RCCD1: variants seen among roughly 807,000 people sequenced by gnomAD.
The protein encoded by RCCD1 is RCC1 domain-containing protein 1.
RCCD1 carries 40 observed loss-of-function variants against 37.6 expected under a neutral mutation model. That is an observed-to-expected ratio of 1.06 (90% CI 0.83 to 1.39). The LOEUF is 1.39. Ranked by LOEUF, RCCD1 falls within the 40% of genes most tolerant of loss-of-function variation. The pLI, the probability that RCCD1 is intolerant of heterozygous loss-of-function variation, is 0.00. For synonymous variants in RCCD1, 263 were observed against 230.0 expected, an observed-to-expected ratio of 1.14 and a Z score of -1.30; for missense variants, 577 against 517.3, an observed-to-expected ratio of 1.12 and a Z score of -1.12.
chr15:90,956,413 C>T (rs149780344), intron 1 of RCCD1, among the ~76,000 whole-genome samples, 199 bp from the exon 2 acceptor site: 3 of 152,288 alleles, frequency 2.0e-5, no homozygotes, highest in Non-Finnish European at 4.4e-5. Context: ...TAGTCCAATG[C>T]CTAAAGGACA....
intron 4 of RCCD1, 104 bp downstream of exon 4, chr15:90,957,829 C>A: frequency 1.4e-6 from 2 of 1,425,852 alleles, no homozygotes; most frequent in South Asian, 1.3e-5. Flanking sequence ...CTTCCAAATT[C>A]ATCCATCCAT....
At chr15:90,955,805 T>C (rs1014204257) in intron 1 of RCCD1, 3 of 151,832 alleles carry the variant, frequency 2.0e-5, no homozygotes, top group African/African-American at 7.3e-5. Flanking sequence ...GTTAGCTCCT[T>C]GGGAGCAGAC....
Position 90,957,447 on chromosome 15 carries a change from C to G in RCCD1, c.501C>G (p.Ala167=), listed in dbSNP as rs1185681299. Reference sequence around the variant, plus strand: ...GGGCACGCCAGCTGGAGCTGGGCGCCGAGCACGCGTTGCTGCTGGACGCTG... The same window carrying G: ...GGGCACGCCAGCTGGAGCTGGGCGCGGAGCACGCGTTGCTGCTGGACGCTG... The part of the protein sequence containing the change: ...ELRARQLELG[A]EHALLLDAAG... The change falls in exon 3 of 8, where the codon GCC becomes GCG. Residue 167 remains alanine (A), a synonymous_variant. Coordinates refer to ENST00000394258, the MANE Select transcript of RCCD1 (RefSeq NM_001017919.2). The G allele has an allele frequency of 6.5e-6, 10 of 1,539,042 alleles. No individual in the cohort carries two copies. In the Admixed American group the frequency reaches 1.6e-4, roughly 24 times the overall value.
At chr15:90,958,411 G>A (rs907600800) in intron 4 of RCCD1, among the ~76,000 whole-genome samples, 3 of 151,952 alleles carry the variant, frequency 2.0e-5, no homozygotes, top group Admixed American at 6.6e-5. Flanking sequence ...AGTGGATCAC[G>A]AGGTCAGGAG....
Position 90,959,891 on chromosome 15 carries a change from C to T in RCCD1, c.680-9C>T. On this transcript the variant is annotated splice_polypyrimidine_tract_variant and intron_variant, in intron 4 of 7. Transcript: ENST00000394258. ...AGTCTGTTTCATGTGTCCCCTTGAT[C>T]TCTTTCAGAGACTGGGGATATTTAT... is the stretch of plus-strand genomic sequence containing the variant. 1 of 1,601,332 alleles carries T rather than the reference C, an allele frequency of 6.2e-7. No homozygotes were observed. The highest frequency in any genetic ancestry group is 8.5e-7 in the Non-Finnish European group (1 of 1,170,938).
At chr15:90,961,108 G>A in intron 7 of RCCD1, 54 bp downstream of exon 7, 1 of 1,556,534 alleles carries the variant, frequency 6.4e-7, no homozygotes, top group African/African-American at 1.4e-5. Flanking sequence ...GAAAGACCTG[G>A]GAGTACAGGG....
In RCCD1 at chr15:90,956,834, C is replaced by T. The variant is rs1014786266; in HGVS notation, c.100C>T (p.Pro34Ser). 4 of 1,300,214 alleles carry T rather than the reference C, an allele frequency of 3.1e-6. No individual in the cohort carries two copies. The highest frequency in any genetic ancestry group is 5.5e-5 in the South Asian group (2 of 36,354). The allele number at this position is 1,300,214 out of a possible 1,614,324, so 80.5% of individuals were successfully genotyped here. A position where few individuals can be genotyped will look rare whatever the true frequency, so the allele number is the denominator to read the frequency against. ...GRGRQVHSPSPLRAGVDICRV... is the reference protein window; with the variant it reads ...GRGRQVHSPSSLRAGVDICRV... ...CGGGCGCCAGGTGCACAGCCCCAGT[C>T]CGCTGCGGGCGGGCGTCGACATCTG... Residue 34 changes from proline to serine, a missense_variant, in exon 2 of 8, where the codon CCG (proline) becomes TCG (serine). Transcript: ENST00000394258.
intron 4 of RCCD1, among the ~76,000 whole-genome samples, chr15:90,958,973 C>T (rs1041295877): frequency 4.0e-5 from 6 of 150,634 alleles, no homozygotes; most frequent in African/African-American, 1.5e-4. Flanking sequence ...AAACCCCAAC[C>T]TTGGGCTGGA....
Position 90,960,440 on chromosome 15 carries a change from C to T in RCCD1, c.891C>T (p.Pro297=), listed in dbSNP as rs769195154. ...VQPFPALLDL[P]MGSDAVKASC... ...CCTTCCCGGCATTACTGGATCTCCCCATGGGCTCAGATGCAGTCAAGGCCA... is the reference window on the plus strand; with the variant it reads ...CCTTCCCGGCATTACTGGATCTCCCTATGGGCTCAGATGCAGTCAAGGCCA... The change falls in exon 6 of 8, where the codon CCC becomes CCT. Residue 297 remains proline (P), a synonymous_variant. Coordinates refer to ENST00000394258, the MANE Select transcript of RCCD1 (RefSeq NM_001017919.2). 2.2e-5 allele frequency: 36 copies of T among 1,613,266 alleles called. No homozygotes were observed. In the South Asian group the frequency reaches 3.5e-4, roughly 16 times the overall value.
intron 6 of RCCD1, chr15:90,960,751 C>CCCT: frequency 3.3e-6 from 2 of 610,370 alleles, no homozygotes; most frequent in South Asian, 3.9e-5. Flanking sequence ...ATTCCCTGCC[C>CCCT]GCCGCCGCCT....
At position 90,956,797 on chromosome 15, in the gene RCCD1, G is replaced by C. The variant is rs2037204117; in HGVS notation, c.63G>C (p.Leu21=). 2 of 1,318,868 alleles carry C rather than the reference G, an allele frequency of 1.5e-6. No homozygotes were observed. The highest frequency in any genetic ancestry group is 3.2e-5 in the Admixed American group (1 of 31,704). 81.7% of individuals were successfully genotyped at this position (1,318,868 alleles called of 1,614,324 possible). ...GTTTCTGCGGCTTCGGGCAGGAGCT[G>C]GGCTCCGGACGCGGGCGCCAGGTGC... ...GFGFCGFGQE[L]GSGRGRQVHS... The change falls in exon 2 of 8, where the codon CTG becomes CTC. Residue 21 remains leucine, a synonymous_variant. Transcript: ENST00000394258.
intron 1 of RCCD1, 76 bp from the exon 2 acceptor site, chr15:90,956,536 G>A (rs2037196760): frequency 4.6e-6 from 2 of 431,078 alleles, no homozygotes; most frequent in African/African-American, 2.0e-5. Context: ...ATTAGTCAGG[G>A]CGCCTGCTCA....
chr15:90,958,902 C>G (rs1567168771), intron 4 of RCCD1, among the ~76,000 whole-genome samples: 1 of 149,228 alleles, frequency 6.7e-6, no homozygotes, highest in East Asian at 2.0e-4. Context: ...CCACTGCACT[C>G]CAGTCTGAGT....
In RCCD1 at chr15:90,960,903, C is replaced by T; in HGVS notation, c.950-122C>T. The stretch of plus-strand genomic sequence containing the variant: ...CCAGTTGTTAAGAGAATATGTTGTT[C>T]CATGCCAGGCAGATCTCATGAGGAT... On this transcript the variant is annotated intron_variant, in intron 6 of 7. Coordinates refer to ENST00000394258, the MANE Select transcript of RCCD1 (RefSeq NM_001017919.2). 4 of 925,794 alleles carry T rather than the reference C, an allele frequency of 4.3e-6. No homozygotes were observed. The South Asian group carries it at 5.3e-5, about 12-fold the overall frequency. 57.3% of individuals were successfully genotyped at this position (925,794 alleles called of 1,614,324 possible). A position where few individuals can be genotyped will look rare whatever the true frequency, so the allele number is the denominator to read the frequency against.
intron 1 of RCCD1, chr15:90,955,784 C>G (rs1489947984): frequency 6.6e-6 from 1 of 151,660 alleles, no homozygotes; most frequent in African/African-American, 2.4e-5. Flanking sequence ...TGTTTGTCTC[C>G]CCATTTAACG....
In RCCD1 at chr15:90,960,505, G is replaced by A. The variant is rs367698055; in HGVS notation, c.949+7G>A. 1 of 1,603,092 alleles carries A rather than the reference G, an allele frequency of 6.2e-7. No individual in the cohort carries two copies. The highest frequency in any genetic ancestry group is 1.3e-5 in the African/African-American group (1 of 74,842). On this transcript the variant is annotated splice_region_variant and intron_variant, in intron 6 of 7. Coordinates refer to ENST00000394258, the MANE Select transcript of RCCD1 (RefSeq NM_001017919.2). ...CACACAGCTGTGGTGACACGTGAGT[G>A]GGGCTGGGAGGCACTCTGCTCCACT...
Position 90,962,774 on chromosome 15 carries a change from T to C in RCCD1, c.*1005T>C, listed in dbSNP as rs756473671. ...CTTTTAAAATGTTCTGTATTTTCCT[T>C]AGTGATTTTTCTTTTGGATATTTCA... On this transcript the variant is annotated 3_prime_UTR_variant, in exon 8 of 8. Coordinates refer to ENST00000394258, the MANE Select transcript of RCCD1 (RefSeq NM_001017919.2). 1.3e-5 allele frequency: 2 copies of C among 152,222 alleles called. No homozygotes were observed. The highest frequency in any genetic ancestry group is 2.9e-5 in the Non-Finnish European group (2 of 68,042). 9.4% of individuals were successfully genotyped at this position (152,222 alleles called of 1,614,324 possible). A position where few individuals can be genotyped will look rare whatever the true frequency, so the allele number is the denominator to read the frequency against.
rs1427441907 is a variant in RCCD1 at position 90,956,836 on chromosome 15, G to A, written c.102G>A (p.Pro34=). Residue 34 remains proline, a synonymous_variant, in exon 2 of 8, where the codon CCG becomes CCA. Transcript: ENST00000394258. ...GRGRQVHSPS[P]LRAGVDICRV... Reference sequence around the variant, plus strand: ...GGCGCCAGGTGCACAGCCCCAGTCCGCTGCGGGCGGGCGTCGACATCTGCC... The same window carrying A: ...GGCGCCAGGTGCACAGCCCCAGTCCACTGCGGGCGGGCGTCGACATCTGCC... 3.9e-6 allele frequency: 5 copies of A among 1,295,950 alleles called. No individual in the cohort carries two copies. The highest frequency in any genetic ancestry group is 2.0e-6 in the Non-Finnish European group (2 of 1,021,940). The allele number at this position is 1,295,950 out of a possible 1,614,324, so 80.3% of individuals were successfully genotyped here.
Position 90,962,389 on chromosome 15 carries a change from C to T in RCCD1, c.*620C>T, listed in dbSNP as rs1479755850. The T allele has an allele frequency of 2.6e-5, 4 of 152,246 alleles. No homozygotes were observed. The highest frequency in any genetic ancestry group is 5.9e-5 in the Non-Finnish European group (4 of 68,066). 9.4% of individuals were successfully genotyped at this position (152,246 alleles called of 1,614,324 possible). A position where few individuals can be genotyped will look rare whatever the true frequency, so the allele number is the denominator to read the frequency against. On this transcript the variant is annotated 3_prime_UTR_variant, in exon 8 of 8. Transcript: ENST00000394258. ...ATTGTTTCTGATTTTGGTCATTCCA[C>T]ATAATTCTTTGTGCAGTCTTCTGCA... is the stretch of plus-strand genomic sequence containing the variant.
Sources: allele counts gnomAD v4.1 joint callset (sites outside exome capture counted in the v4.1 genomes callset), GRCh38; gene constraint gnomAD v4.1.1; transcripts MANE v1.5; gene names NCBI Gene and HGNC (gene_info 2026-07-23, HGNC 2026-07-21).